DEFB110: variants seen among roughly 807,000 people sequenced by gnomAD.
DEFB110 encodes beta-defensin 110.
Under a neutral mutation model 2.5 loss-of-function variants are expected in DEFB110, and 4 were observed. The observed-to-expected ratio is 1.60, with a 90% CI of 0.79 to 3.66. The LOEUF is 3.66. DEFB110 is among the 30% of genes most tolerant of loss of function. The pLI, the probability that DEFB110 is intolerant of heterozygous loss-of-function variation, is 0.01. For missense variants in DEFB110, 94 were observed against 75.4 expected (o/e 1.25, Z -0.91); for synonymous variants, 29 against 21.8 (o/e 1.33, Z -0.92).
downstream of DEFB110, among the ~76,000 whole-genome samples, chr6:50,014,995 C>T (rs1014075778): frequency 1.3e-5 from 2 of 151,812 alleles, no homozygotes; most frequent in African/African-American, 4.8e-5. Context: ...ATATGACAAA[C>T]TCTACATGTC....
At chr6:50,012,145 C>T (rs1284194815) in intron 1 of DEFB110, among the ~76,000 whole-genome samples, 1 of 151,874 alleles carries the variant, frequency 6.6e-6, no homozygotes, top group Non-Finnish European at 1.5e-5. Flanking sequence ...GATTTCACAC[C>T]AAAACCTTAT....
chr6:50,010,162 A>T (rs1175725681), intron 1 of DEFB110, among the ~76,000 whole-genome samples: 2 of 152,000 alleles, frequency 1.3e-5, no homozygotes, highest in African/African-American at 4.8e-5. Context: ...AATTGTCAGA[A>T]ATATATTTTG....
intron 1 of DEFB110, among the ~76,000 whole-genome samples, chr6:50,020,148 T>C (rs1178254598): frequency 2.0e-5 from 3 of 152,054 alleles, no homozygotes; most frequent in African/African-American, 7.2e-5. Flanking sequence ...AATTTGCACA[T>C]TATAAGAAAC....
chr6:50,013,126 C>G (rs1190900720), intron 1 of DEFB110, among the ~76,000 whole-genome samples: 3 of 151,790 alleles, frequency 2.0e-5, no homozygotes, highest in Non-Finnish European at 4.4e-5. Flanking sequence ...AATAACTCTT[C>G]CCATTTCATA....
rs189472129 is a variant in DEFB110 at position 50,010,740 on chromosome 6, C to G, written c.56-1469G>C. Among the ~76,000 whole-genome samples, 96 of 151,394 alleles carry G rather than the reference C, an allele frequency of 6.3e-4. 1 individual carries two copies. Among genetic ancestry groups the G allele is most frequent in the African/African-American group, 2.2e-3 (90 of 41,336 alleles). On this transcript the variant is annotated intron_variant, in intron 1 of 1. Transcript: ENST00000393660. ...AGACATGTTTGATATAATTTAAAGT[C>G]AGGAAGACAATGATGCATAATTGCA...
chr6:50,018,751 A>G (rs1475142605), downstream of DEFB110: 1 of 1,163,122 alleles, frequency 8.6e-7, no homozygotes, highest in East Asian at 3.7e-5. Flanking sequence ...AGGAACTTGC[A>G]TAAAATAAGT....
At chr6:50,015,160 A>G (rs1026550094), downstream of DEFB110, among the ~76,000 whole-genome samples, 1 of 151,780 alleles carries the variant, frequency 6.6e-6, no homozygotes, top group East Asian at 1.9e-4. Flanking sequence ...TTAATCCCTC[A>G]TGAAATCTAG....
At chr6:50,013,874 G>A (rs777841239), downstream of DEFB110, among the ~76,000 whole-genome samples, 1 of 151,816 alleles carries the variant, frequency 6.6e-6, no homozygotes, top group African/African-American at 2.4e-5. Flanking sequence ...TAAAAGACAT[G>A]GAACAGATTT....
At chr6:50,021,702 T>C (rs1774420452) in intron 1 of DEFB110, among the ~76,000 whole-genome samples, 179 bp downstream of exon 1, 2 of 152,242 alleles carry the variant, frequency 1.3e-5, no homozygotes, top group Admixed American at 6.5e-5. Context: ...ACTTGTTATT[T>C]TTGTCTGTTT....
chr6:50,017,208 C>A (rs890310798), downstream of DEFB110, among the ~76,000 whole-genome samples: 13 of 151,726 alleles, frequency 8.6e-5, no homozygotes, highest in Non-Finnish European at 1.8e-4. Context: ...GCCAATTTTT[C>A]TTTCTGGAGC....
chr6:50,015,935 A>G (rs1774308329), downstream of DEFB110, among the ~76,000 whole-genome samples: 1 of 151,846 alleles, frequency 6.6e-6, no homozygotes, highest in Admixed American at 6.6e-5. Flanking sequence ...TGTGAACTCT[A>G]TCAAATTGAA....
At chr6:50,021,788 A>T in intron 1 of DEFB110, 93 bp downstream of exon 1, 1 of 1,185,116 alleles carries the variant, frequency 8.4e-7, no homozygotes, top group Non-Finnish European at 1.2e-6. Flanking sequence ...ATGATGTTTT[A>T]ATCCCTATGT....
At chr6:50,019,867 C>A (rs964307728) in intron 1 of DEFB110, among the ~76,000 whole-genome samples, 2 of 151,986 alleles carry the variant, frequency 1.3e-5, no homozygotes, top group African/African-American at 2.4e-5. Flanking sequence ...CCAAATCCAC[C>A]CTGCCACCTA....
chr6:50,017,672 A>G (rs1774339613), downstream of DEFB110, among the ~76,000 whole-genome samples: 2 of 151,230 alleles, frequency 1.3e-5, no homozygotes, highest in Non-Finnish European at 2.9e-5. Flanking sequence ...AACACACTGA[A>G]CAATCAAAGA....
chr6:50,011,485 A>T (rs1774227516), intron 1 of DEFB110, among the ~76,000 whole-genome samples: 1 of 152,094 alleles, frequency 6.6e-6, no homozygotes, highest in Non-Finnish European at 1.5e-5. Context: ...TGGGAGTCTC[A>T]TCAAGAGTGA....
chr6:50,009,963 G>A (rs1366183480), intron 1 of DEFB110, among the ~76,000 whole-genome samples: 1 of 152,012 alleles, frequency 6.6e-6, no homozygotes, highest in African/African-American at 2.4e-5. Context: ...CTATAGTAAA[G>A]GGAGGTAAAT....
chr6:50,021,549 T>C (rs1774418497), intron 1 of DEFB110, among the ~76,000 whole-genome samples: 1 of 152,216 alleles, frequency 6.6e-6, no homozygotes, highest in Admixed American at 6.5e-5. Flanking sequence ...TATTTTAGAT[T>C]CACAGAAGAG....
At chr6:50,015,980 T>C (rs1774309138), downstream of DEFB110, among the ~76,000 whole-genome samples, 1 of 151,854 alleles carries the variant, frequency 6.6e-6, no homozygotes, top group Non-Finnish European at 1.5e-5. Flanking sequence ...TCAATCAATA[T>C]CAGTTCCTTA....
At chr6:50,021,253 A>G (rs763392866) in intron 1 of DEFB110, among the ~76,000 whole-genome samples, 1 of 152,118 alleles carries the variant, frequency 6.6e-6, no homozygotes, top group African/African-American at 2.4e-5. Flanking sequence ...CATGCATTGT[A>G]GGTTATTTAG....
Sources: allele counts gnomAD v4.1 joint callset (sites outside exome capture counted in the v4.1 genomes callset), GRCh38; gene constraint gnomAD v4.1.1; transcripts MANE v1.5; gene names NCBI Gene and HGNC (gene_info 2026-07-23, HGNC 2026-07-21).